PLXDC2: variants seen among roughly 807,000 people sequenced by gnomAD.
PLXDC2 encodes plexin domain containing 2.
Under a neutral mutation model 68.9 loss-of-function variants are expected in PLXDC2, and 40 were observed. The ratio of observed to expected loss-of-function variants is 0.58; its 90% CI spans 0.45 to 0.76. The LOEUF is 0.76. Among genes scored for constraint, PLXDC2 ranks in the 30% least tolerant of loss-of-function variants. PLXDC2 has a pLI of 0.00. For missense variants in PLXDC2, 644 were observed against 661.9 expected (o/e 0.97, Z 0.30); for synonymous variants, 243 against 234.2 (o/e 1.04, Z -0.34).
At chr10:20,148,801 T>C (rs563351059) in intron 6 of PLXDC2, among the ~76,000 whole-genome samples, 11 of 152,308 alleles carry the variant, frequency 7.2e-5, no homozygotes, top group African/African-American at 2.2e-4. Context: ...TCCTTGAGAA[T>C]TGAATCCTAG....
chr10:19,874,722 C>T (rs1837602665), intron 1 of PLXDC2, among the ~76,000 whole-genome samples: 1 of 152,086 alleles, frequency 6.6e-6, no homozygotes, highest in Non-Finnish European at 1.5e-5. Context: ...TTGAATTGAA[C>T]TTTAAAGAGT....
At chr10:19,820,156 A>T (rs1237371417) in intron 1 of PLXDC2, among the ~76,000 whole-genome samples, 2 of 152,206 alleles carry the variant, frequency 1.3e-5, no homozygotes, top group Non-Finnish European at 2.9e-5. Context: ...TTGTTCATGG[A>T]TGTCTGCCTA....
intron 13 of PLXDC2, 82 bp downstream of exon 13, chr10:20,245,587 T>C: frequency 1.4e-6 from 2 of 1,428,984 alleles, no homozygotes; most frequent in South Asian, 1.4e-5. Flanking sequence ...ATTTAATATT[T>C]ACCACATGGC....
intron 1 of PLXDC2, among the ~76,000 whole-genome samples, chr10:19,852,955 G>C (rs898119843): frequency 1.3e-5 from 2 of 152,142 alleles, no homozygotes; most frequent in Non-Finnish European, 2.9e-5. Context: ...TCATCACCAG[G>C]CTAAGTGAAA....
chr10:19,909,414 GAAGA>G (rs1833226504), intron 1 of PLXDC2, among the ~76,000 whole-genome samples: 1 of 152,254 alleles, frequency 6.6e-6, no homozygotes, highest in African/African-American at 2.4e-5. Flanking sequence ...AAGTTAGCAA[GAAGA>G]AAGAGATTAA....
At chr10:19,859,353 C>T (rs1396792314) in intron 1 of PLXDC2, among the ~76,000 whole-genome samples, 1 of 152,150 alleles carries the variant, frequency 6.6e-6, no homozygotes, top group Non-Finnish European at 1.5e-5. Context: ...TCTAATGCCC[C>T]AGAGACGGCA....
intron 12 of PLXDC2, among the ~76,000 whole-genome samples, chr10:20,244,248 C>T (rs932958790): frequency 1.3e-5 from 2 of 152,060 alleles, no homozygotes; most frequent in Non-Finnish European, 2.9e-5. Context: ...TCTCTAAATG[C>T]CTGAGTAATC....
intron 1 of PLXDC2, among the ~76,000 whole-genome samples, chr10:19,820,359 C>T (rs576793644): frequency 2.0e-5 from 3 of 152,222 alleles, no homozygotes; most frequent in East Asian, 3.9e-4. Flanking sequence ...CGGCCGGGCG[C>T]GGTGGCTCAC....
intron 2 of PLXDC2, among the ~76,000 whole-genome samples, chr10:20,026,826 A>C (rs1835412958): frequency 1.4e-5 from 2 of 139,296 alleles, no homozygotes; most frequent in Admixed American, 7.4e-5. Context: ...ATATATTCTA[A>C]TATATAGAAT....
chr10:20,078,040 C>G (rs1393517817), intron 4 of PLXDC2, among the ~76,000 whole-genome samples: 3 of 152,100 alleles, frequency 2.0e-5, no homozygotes, highest in Non-Finnish European at 4.4e-5. Context: ...AATCTTTACT[C>G]CAACGTATTT....
At chr10:20,164,680 C>G in intron 7 of PLXDC2, 113 bp downstream of exon 7, 2 of 772,696 alleles carry the variant, frequency 2.6e-6, no homozygotes, top group Admixed American at 2.2e-5. Flanking sequence ...AATCGATTAG[C>G]TGATTAATGC....
chr10:20,139,622 A>T (rs1232434496), intron 4 of PLXDC2, among the ~76,000 whole-genome samples: 2 of 152,230 alleles, frequency 1.3e-5, no homozygotes, highest in African/African-American at 4.8e-5. Context: ...CATCAATGAT[A>T]GACTGGATAA....
At chr10:19,854,867 A>G (rs1837185243) in intron 1 of PLXDC2, among the ~76,000 whole-genome samples, 1 of 152,220 alleles carries the variant, frequency 6.6e-6, no homozygotes, top group Non-Finnish European at 1.5e-5. Flanking sequence ...CACCATTTTT[A>G]TAACAGTTTT....
intron 12 of PLXDC2, among the ~76,000 whole-genome samples, chr10:20,240,450 C>A (rs1194663403): frequency 6.6e-6 from 1 of 152,048 alleles, no homozygotes; most frequent in African/African-American, 2.4e-5. Flanking sequence ...ACCCAGGATA[C>A]TCTAAATTCT....
chr10:20,238,696 C>CACCTATATGTGTATATATAT (rs1835472839), intron 12 of PLXDC2, among the ~76,000 whole-genome samples: 1 of 113,274 alleles, frequency 8.8e-6, no homozygotes, highest in Non-Finnish European at 1.8e-5. Flanking sequence ...TATATATACA[C>CACCTATATGTGTATATATAT]ACATATATAT....
At chr10:20,119,633 T>C (rs1450531191) in intron 4 of PLXDC2, among the ~76,000 whole-genome samples, 2 of 151,516 alleles carry the variant, frequency 1.3e-5, no homozygotes, top group African/African-American at 4.8e-5. Context: ...ATAAGAAAAA[T>C]AAAACAAAAT....
intron 1 of PLXDC2, among the ~76,000 whole-genome samples, chr10:19,859,601 A>G (rs1037329317): frequency 5.3e-5 from 8 of 152,230 alleles, no homozygotes; most frequent in Admixed American, 5.2e-4. Context: ...ACCTATCCCC[A>G]TTTGTTAAAG....
chr10:19,943,187 C>T (rs868570197), intron 1 of PLXDC2, among the ~76,000 whole-genome samples: 1 of 151,980 alleles, frequency 6.6e-6, no homozygotes, highest in East Asian at 1.9e-4. Flanking sequence ...AGTTAACCCA[C>T]GATTATTGAA....
chr10:20,110,707 C>T (rs1300003085), intron 4 of PLXDC2, among the ~76,000 whole-genome samples: 1 of 152,178 alleles, frequency 6.6e-6, no homozygotes, highest in African/African-American at 2.4e-5. Flanking sequence ...CTTGGAGGAC[C>T]TCAGGATTGG....
Sources: gnomAD v4.1 joint callset for allele counts (sites outside exome capture counted in the v4.1 genomes callset) on GRCh38, gnomAD v4.1.1 for gene constraint, MANE v1.5 for transcripts, NCBI Gene and HGNC (gene_info 2026-07-23, HGNC 2026-07-21) for gene names.